WSCD1: variants seen among roughly 807,000 people sequenced by gnomAD.
The protein encoded by WSCD1 is sialate:O-sulfotransferase 1.
In WSCD1, 41 loss-of-function variants were observed where a neutral mutation model predicts 60.4. The observed-to-expected ratio is 0.68, with a 90% confidence interval of 0.53 to 0.88. The LOEUF is 0.88. Among genes scored for constraint, WSCD1 ranks in the 40% least tolerant of loss-of-function variants. The pLI is 0.00. For missense variants in WSCD1, 784 were observed against 796.2 expected (o/e 0.98, Z 0.18); for synonymous variants, 361 against 332.5 (o/e 1.09, Z -0.93).
At chr17:6,087,470 A>G (rs185054231) in intron 2 of WSCD1, among the ~76,000 whole-genome samples, 31 of 152,356 alleles carry the variant, frequency 2.0e-4, no homozygotes, top group Non-Finnish European at 3.4e-4. Context: ...TCTTGGGACG[A>G]CAGACTTTAT....
At chr17:6,070,749 T>A (rs1196477117) in intron 1 of WSCD1, 97 bp downstream of exon 1, 1 of 150,920 alleles carries the variant, frequency 6.6e-6, no homozygotes, top group East Asian at 2.0e-4. Context: ...GCAGACGCGG[T>A]TGGGAGCGCG....
Position 6,121,510 on chromosome 17 carries a change from C to G in WSCD1, c.*849C>G. 1 of 152,298 alleles carries G rather than the reference C, an allele frequency of 6.6e-6. No individual in the cohort carries two copies. The highest frequency in any genetic ancestry group is 2.1e-4 in the South Asian group (1 of 4,830). 9.4% of individuals were successfully genotyped at this position (152,298 alleles called of 1,614,324 possible). A position where few individuals can be genotyped will look rare whatever the true frequency, so the allele number is the denominator to read the frequency against. Reference sequence around the variant, plus strand: ...CCTGGCTTCTTCCTCCAGCTATCCTCAGGGAAGCTGGAGATTCAAGTCATG... The same window carrying G: ...CCTGGCTTCTTCCTCCAGCTATCCTGAGGGAAGCTGGAGATTCAAGTCATG... On this transcript the variant is annotated 3_prime_UTR_variant, in exon 9 of 9. Coordinates refer to ENST00000317744, the MANE Select transcript of WSCD1 (RefSeq NM_015253.2).
intron 5 of WSCD1, among the ~76,000 whole-genome samples, chr17:6,099,048 G>A (rs993933259): frequency 1.5e-5 from 2 of 132,096 alleles, no homozygotes; most frequent in African/African-American, 2.6e-5. Flanking sequence ...CAGCCCAGGT[G>A]GCCCAGCGTG....
chr17:6,072,889 G>A (rs867061492), intron 1 of WSCD1, among the ~76,000 whole-genome samples: 18 of 152,210 alleles, frequency 1.2e-4, no homozygotes, highest in Admixed American at 3.9e-4. Context: ...CTGCCTCCTG[G>A]TGTGGATGTG....
intron 5 of WSCD1, among the ~76,000 whole-genome samples, chr17:6,109,110 G>T (rs1306936060): frequency 6.6e-6 from 1 of 152,158 alleles, no homozygotes; most frequent in Non-Finnish European, 1.5e-5. Flanking sequence ...AGGGCTTGAG[G>T]TCTGTTCATT....
upstream of WSCD1, chr17:6,069,413 GT>G (rs1200400012): frequency 1.8e-5 from 6 of 325,330 alleles, no homozygotes; most frequent in African/African-American, 1.9e-4. Flanking sequence ...GTGTGTGTGT[GT>G]GTGTGTGTGT....
At position 6,080,969 on chromosome 17, in the gene WSCD1, G is replaced by A. The variant is rs1909217404; in HGVS notation, c.311G>A (p.Ser104Asn). 6.4e-7 allele frequency: 1 copy of A among 1,553,318 alleles called. No homozygotes were observed. Among genetic ancestry groups the A allele is most frequent in the Non-Finnish European group, 8.7e-7 (1 of 1,152,464 alleles). ...RPRPGPRWLRSRNSELRQLRR... is the reference protein window; with the variant it reads ...RPRPGPRWLRNRNSELRQLRR... Reference sequence around the variant, plus strand: ...CGGCCCGGCCCCCGCTGGCTCCGGAGCCGCAACTCGGAGCTGCGTCAGTTG... The same window carrying A: ...CGGCCCGGCCCCCGCTGGCTCCGGAACCGCAACTCGGAGCTGCGTCAGTTG... The change falls in exon 2 of 9, where the codon AGC (serine) becomes AAC (asparagine). Residue 104 changes from serine (S) to asparagine (N), a missense_variant. Transcript: ENST00000317744. This position sits in a 1 kb window ranked among gnomAD's most constrained non-coding sequence, Gnocchi z 6.6.
In WSCD1 at chr17:6,120,340, G is replaced by T. The variant is rs1053179646; in HGVS notation, c.1407G>T (p.Ser469=). ...CGGACTTTGTCAACAGCTACGCCTC[G>T]TGGTGGTCCTCGCACGTCCTGGACT... ...EWPDFVNSYA[S]WWSSHVLDWL... is the part of the protein sequence containing the mutation. The change falls in exon 9 of 9, where the codon TCG becomes TCT. Residue 469 remains serine (S), a synonymous_variant. Transcript: ENST00000317744. 40 of 1,613,924 alleles carry T rather than the reference G, an allele frequency of 2.5e-5. No homozygotes were observed. Among genetic ancestry groups the T allele is most frequent in the Non-Finnish European group, 3.2e-5 (38 of 1,179,996 alleles).
At position 6,075,189 on chromosome 17, in the gene WSCD1, G is replaced by A. The variant is rs1036758533; in HGVS notation, c.-289+4537G>A. Among the ~76,000 whole-genome samples the A allele has an allele frequency of 3.3e-5, 5 of 152,180 alleles. No individual in the cohort carries two copies. The highest frequency in any genetic ancestry group is 7.4e-5 in the Non-Finnish European group (5 of 68,020). ...GAGCAGGCAGCTCCAAGTCCCAAGA[G>A]GTTTGCAGCCCTTGCTGCAGCTGCC... On this transcript the variant is annotated intron_variant, in intron 1 of 8. Transcript: ENST00000317744. This position sits in a 1 kb window ranked among gnomAD's most constrained non-coding sequence, Gnocchi z 4.1.
chr17:6,091,715 C>T (rs1355164418), intron 4 of WSCD1, among the ~76,000 whole-genome samples: 1 of 152,178 alleles, frequency 6.6e-6, no homozygotes, highest in Non-Finnish European at 1.5e-5. Flanking sequence ...TGGGAGACCA[C>T]CCCCACCACT....
intron 5 of WSCD1, among the ~76,000 whole-genome samples, chr17:6,107,045 G>C (rs1413207765): frequency 2.0e-5 from 3 of 152,180 alleles, no homozygotes; most frequent in South Asian, 4.1e-4. Context: ...GAAAGTCTGA[G>C]ATCAAGGTCT....
chr17:6,075,802 C>G lies in WSCD1; in HGVS notation c.-288-4569C>G, dbSNP rs1442906716. On this transcript the variant is annotated intron_variant, in intron 1 of 8. Coordinates refer to ENST00000317744, the MANE Select transcript of WSCD1 (RefSeq NM_015253.2). This position sits in a 1 kb window ranked among gnomAD's most constrained non-coding sequence, Gnocchi z 4.1. Reference sequence around the variant, plus strand: ...GAACCCCTCTAGCCTCCCCCTGAAGCACTCTGCAGGGTTCCAAGATGGGAG... The same window carrying G: ...GAACCCCTCTAGCCTCCCCCTGAAGGACTCTGCAGGGTTCCAAGATGGGAG... Among the ~76,000 whole-genome samples, 1 of 152,142 alleles carries G rather than the reference C, an allele frequency of 6.6e-6. No individual in the cohort carries two copies. The highest frequency in any genetic ancestry group is 1.5e-5 in the Non-Finnish European group (1 of 68,026).
upstream of WSCD1, chr17:6,069,311 G>C (rs1908368869): frequency 5.0e-6 from 2 of 398,336 alleles, no homozygotes; most frequent in Admixed American, 4.4e-5. Context: ...AAAATCTTTA[G>C]GTTTGGATCC....
intron 2 of WSCD1, among the ~76,000 whole-genome samples, chr17:6,087,540 C>T (rs1057407470): frequency 6.6e-5 from 10 of 152,186 alleles, no homozygotes; most frequent in African/African-American, 2.4e-4. Flanking sequence ...TCAAACTTGC[C>T]CTAACTGATT....
At chr17:6,069,577 G>GTA (rs1908396951), upstream of WSCD1, among the ~76,000 whole-genome samples, 1 of 152,108 alleles carries the variant, frequency 6.6e-6, no homozygotes, top group Non-Finnish European at 1.5e-5. Flanking sequence ...GTGTGGAGCA[G>GTA]TATGATAAGC....
At chr17:6,092,627 G>A (rs936787247) in intron 4 of WSCD1, among the ~76,000 whole-genome samples, 5 of 152,134 alleles carry the variant, frequency 3.3e-5, no homozygotes, top group East Asian at 1.9e-4. Flanking sequence ...ACTGCTCCAC[G>A]CTGGCTTCTT....
chr17:6,094,133 C>T (rs150855642), intron 4 of WSCD1, among the ~76,000 whole-genome samples: 1 of 152,256 alleles, frequency 6.6e-6, no homozygotes, highest in East Asian at 1.9e-4. Flanking sequence ...CTAGAGAAAC[C>T]CTGATGAGTC....
intron 5 of WSCD1, among the ~76,000 whole-genome samples, chr17:6,105,842 CA>C (rs779870198): frequency 1.0e-3 from 156 of 152,256 alleles, no homozygotes; most frequent in Non-Finnish European, 1.6e-3. Flanking sequence ...ACAGGAATCC[CA>C]GGACAGCAGA....
chr17:6,105,342 A>G (rs578213398), intron 5 of WSCD1, among the ~76,000 whole-genome samples: 3 of 152,048 alleles, frequency 2.0e-5, no homozygotes, highest in South Asian at 2.1e-4. Flanking sequence ...TCCCAAATCT[A>G]TCTTCTCACT....
Sources: gnomAD v4.1 joint callset for allele counts (sites outside exome capture counted in the v4.1 genomes callset) on GRCh38, gnomAD v4.1.1 for gene constraint, Gnocchi (gnomAD v3.1) non-coding constraint, MANE v1.5 for transcripts, NCBI Gene and HGNC (gene_info 2026-07-23, HGNC 2026-07-21) for gene names.